The following MADD variants were observed in gnomAD, a reference collection of about 807,000 sequenced individuals.
MADD encodes MAP kinase activating death domain.
A neutral mutation model predicts 176.7 loss-of-function variants in MADD; 109 were observed. The ratio of observed to expected loss-of-function variants is 0.62; its 90% CI spans 0.53 to 0.72. MADD has a LOEUF of 0.72. MADD is among the 30% of genes least tolerant of loss of function. The pLI is 0.00. For synonymous variants in MADD, 771 were observed against 771.3 expected (o/e 1.00, Z 0.01); for missense variants, 1,914 against 2,045.5 (o/e 0.94, Z 1.24).
At chr11:47,306,383 G>A (rs1394772948) in intron 22 of MADD, among the ~76,000 whole-genome samples, 2 of 152,194 alleles carry the variant, frequency 1.3e-5, no homozygotes, top group Admixed American at 6.5e-5. Context: ...CCACTTCCAA[G>A]ATGGCATAGC....
chr11:47,292,624 C>G (rs1384112530), intron 19 of MADD, 28 bp downstream of exon 21: 1 of 1,612,346 alleles, frequency 6.2e-7, no homozygotes. Context: ...TTTCCTGTTC[C>G]CAAGTCCTCC....
intron 15 of MADD, among the ~76,000 whole-genome samples, chr11:47,288,470 C>T (rs1271159192): frequency 6.6e-6 from 1 of 152,198 alleles, no homozygotes; most frequent in Non-Finnish European, 1.5e-5. Flanking sequence ...GTGTCAGTGT[C>T]ACTGGCCTTC....
At chr11:47,294,956 T>G (rs1003713883) in intron 20 of MADD, among the ~76,000 whole-genome samples, 2 of 152,144 alleles carry the variant, frequency 1.3e-5, no homozygotes, top group South Asian at 2.1e-4. Flanking sequence ...ATTTCCTTAT[T>G]CTTTCATGTA....
intron 22 of MADD, among the ~76,000 whole-genome samples, chr11:47,308,104 A>G (rs2084576026): frequency 1.3e-5 from 2 of 152,278 alleles, no homozygotes; most frequent in Admixed American, 6.5e-5. Context: ...AGGCACTGTT[A>G]GGTGCCTTAT....
intron 19 of MADD, among the ~76,000 whole-genome samples, chr11:47,293,293 G>A (rs912940719): frequency 2.0e-5 from 3 of 151,632 alleles, no homozygotes; most frequent in South Asian, 4.2e-4. Flanking sequence ...ACATTTGTTC[G>A]TGGAGCTTTT....
intron 27 of MADD, among the ~76,000 whole-genome samples, chr11:47,323,254 A>AAC (rs2094831176): frequency 6.6e-6 from 1 of 151,586 alleles, no homozygotes; most frequent in South Asian, 2.1e-4. Context: ...AAAAAAAAAA[A>AAC]ATTATAGCCA....
intron 2 of MADD, 148 bp from the exon 3 acceptor site, chr11:47,274,415 C>T (rs1383790390): frequency 7.1e-6 from 5 of 702,258 alleles, no homozygotes; most frequent in South Asian, 5.2e-5. Context: ...CAGCTCCATG[C>T]GGCAGGCAGC....
rs1475106346 is a variant in MADD at position 47,281,715 on chromosome 11, C to T, written c.1431C>T (p.Ile477=). ...CGTCCACTGAATTCAACCCACTCAT[C>T]TATGGCAATGATGTGGATTCTGTGG... is the stretch of plus-strand genomic sequence containing the variant. Residue 477 remains isoleucine, a synonymous_variant, in exon 8 of 33, where the codon ATC becomes ATT. Transcript: ENST00000402192. The T allele has an allele frequency of 1.2e-6, 2 of 1,612,906 alleles. No homozygotes were observed. The highest frequency in any genetic ancestry group is 1.7e-5 in the Admixed American group (1 of 59,992).
exon 33 of MADD, chr11:47,329,233 TGAG>T: frequency 9.6e-7 from 1 of 1,040,608 alleles, no homozygotes; most frequent in South Asian, 1.3e-5. Context: ...CTGCTGTGAC[TGAG>T]GAGTGGATGA....
intron 22 of MADD, among the ~76,000 whole-genome samples, chr11:47,305,238 A>T (rs957469946): frequency 6.6e-6 from 1 of 152,090 alleles, no homozygotes; most frequent in Non-Finnish European, 1.5e-5. Flanking sequence ...CCAGGTACAG[A>T]TGCGTGGAGT....
chr11:47,297,722 A>C (rs1458480514), intron 22 of MADD, among the ~76,000 whole-genome samples: 1 of 151,094 alleles, frequency 6.6e-6, no homozygotes, highest in African/African-American at 2.4e-5. Context: ...CTGGGATTAC[A>C]GGCGTGAGCC....
chr11:47,297,976 G>A (rs1233377750), intron 22 of MADD, among the ~76,000 whole-genome samples: 1 of 151,556 alleles, frequency 6.6e-6, no homozygotes, highest in Non-Finnish European at 1.5e-5. Context: ...TTTTAGGAGA[G>A]ATGGGGTTTC....
intron 27 of MADD, among the ~76,000 whole-genome samples, chr11:47,323,459 G>C (rs1254889930): frequency 6.6e-6 from 1 of 151,862 alleles, no homozygotes; most frequent in East Asian, 1.9e-4. Flanking sequence ...TTATACATCG[G>C]TTCCTTCTAA....
chr11:47,328,929 G>A (rs150261443), intron 32 of MADD, 117 bp from the exon 37 acceptor site: 23 of 1,032,178 alleles, frequency 2.2e-5, no homozygotes, highest in South Asian at 8.1e-5. Flanking sequence ...TGGAGCTCAC[G>A]TTTAGCCCAG....
At chr11:47,316,888 C>T (rs868486283) in intron 27 of MADD, among the ~76,000 whole-genome samples, 3 of 151,942 alleles carry the variant, frequency 2.0e-5, no homozygotes, top group Non-Finnish European at 2.9e-5. Flanking sequence ...GGATTACAGT[C>T]GCCCACCACC....
intron 15 of MADD, among the ~76,000 whole-genome samples, chr11:47,287,095 G>A (rs570481857): frequency 9.6e-4 from 146 of 152,354 alleles, no homozygotes; most frequent in African/African-American, 3.3e-3. Flanking sequence ...GGAGGCCGAG[G>A]CGGGTGGATC....
In MADD at chr11:47,295,582, A is replaced by G; in HGVS notation, c.3483+6A>G. 1 of 1,614,050 alleles carries G rather than the reference A, an allele frequency of 6.2e-7. No individual in the cohort carries two copies. The highest frequency in any genetic ancestry group is 8.5e-7 in the Non-Finnish European group (1 of 1,179,990). On this transcript the variant is annotated splice_donor_region_variant and intron_variant, in intron 21 of 32. Coordinates refer to ENST00000402192, the Ensembl canonical transcript of MADD. ...AGGATTCTGAAGTTAGCACCGTGGT[A>G]GGGGAACACCACACTGGCATCTTGG... is the stretch of plus-strand genomic sequence containing the variant.
chr11:47,287,954 A>AT (rs1438663892), intron 15 of MADD, among the ~76,000 whole-genome samples: 1 of 151,138 alleles, frequency 6.6e-6, no homozygotes, highest in Non-Finnish European at 1.5e-5. Context: ...CGCCTGCCTA[A>AT]TTTTTTGTAT....
intron 28 of MADD, 152 bp from the exon 32 acceptor site, chr11:47,324,113 C>T (rs2095042757): frequency 4.3e-6 from 3 of 700,424 alleles, no homozygotes. Flanking sequence ...CATTCATAAC[C>T]TCAACAATGA....
Sources: allele counts gnomAD v4.1 joint callset (sites outside exome capture counted in the v4.1 genomes callset), GRCh38; gene constraint gnomAD v4.1.1; transcripts MANE v1.5; gene names NCBI Gene and HGNC (gene_info 2026-07-23, HGNC 2026-07-21).